Variants in PLCZ1 observed in about 807,000 individuals in gnomAD.
PLCZ1 encodes phospholipase C zeta 1.
In PLCZ1, 64 loss-of-function variants were observed where a neutral mutation model predicts 76.8. The observed-to-expected ratio is 0.83, with a 90% CI of 0.68 to 1.03. The LOEUF (loss-of-function observed/expected upper bound fraction) is 1.03. Ranked by LOEUF, PLCZ1 falls within the 50% of genes least tolerant of loss-of-function variation. PLCZ1 has a pLI of 0.00. For synonymous variants in PLCZ1, 248 were observed against 230.8 expected (o/e 1.07, Z -0.68); for missense variants, 751 against 713.7 (o/e 1.05, Z -0.60).
At chr12:18,670,921 G>A in the PLCZ1 span, among the ~76,000 whole-genome samples, 7 of 152,206 alleles carry the variant, frequency 4.6e-5, no homozygotes, top group East Asian at 7.7e-4. Context: ...AGTGGCTCAT[G>A]CCTGTAATCC....
At chr12:18,668,678 C>T in the PLCZ1 span, among the ~76,000 whole-genome samples, 1 of 152,150 alleles carries the variant, frequency 6.6e-6, no homozygotes, top group African/African-American at 2.4e-5. Context: ...CACTTCAGGC[C>T]AACTCACCTC....
chr12:18,719,665 T>C, intron 4 of PLCZ1, 33 bp from the exon 5 acceptor site: 2 of 1,461,216 alleles, frequency 1.4e-6, no homozygotes, highest in East Asian at 2.4e-5. Context: ...GTTAAAAGGA[T>C]GCAAAAATAC....
At chr12:18,680,046 AC>A (rs1335985854), downstream of PLCZ1, among the ~76,000 whole-genome samples, 2 of 151,934 alleles carry the variant, frequency 1.3e-5, no homozygotes, top group African/African-American at 4.8e-5. Flanking sequence ...CATCATAAGA[AC>A]CCTTTGTTGG....
rs539972609 is a variant in PLCZ1, at chr12:18,723,383, C to T, written c.295G>A (p.Glu99Lys). ...TTACTCATCTCAGCTGCATATTGTT[C>T]TTGTGTCAGAAATTGAGCCAGATTA... ...ASNLAQFLTQ[E>K]QYAAEMSKAI... The change falls in exon 4 of 15, where the codon GAA becomes AAA. Residue 99 changes from glutamate to lysine, a missense_variant. Transcript: ENST00000266505. 6.2e-7 allele frequency: 1 copy of T among 1,612,916 alleles called. No individual in the cohort carries two copies. The highest frequency in any genetic ancestry group is 1.7e-4 in the Middle Eastern group (1 of 6,052).
intron 5 of PLCZ1, among the ~76,000 whole-genome samples, chr12:18,714,465 T>C (rs1957708804): frequency 6.6e-6 from 1 of 152,116 alleles, no homozygotes; most frequent in African/African-American, 2.4e-5. Flanking sequence ...TGTAGAGATG[T>C]AAGAAGAGAA....
chr12:18,652,528 T>G, the PLCZ1 span, among the ~76,000 whole-genome samples: 24 of 152,184 alleles, frequency 1.6e-4, no homozygotes, highest in African/African-American at 5.8e-4. Context: ...CTTAAGCCAC[T>G]TGGTGTGTGA....
intron 1 of PLCZ1, 30 bp from the exon 2 acceptor site, chr12:18,737,539 T>A (rs201733802): frequency 3.0e-4 from 2 of 6,600 alleles, no homozygotes; most frequent in Non-Finnish European, 2.9e-3. Flanking sequence ...CACACAGTGG[T>A]TTTTTTTGCC....
At chr12:18,707,096 C>T (rs563897628) in intron 6 of PLCZ1, among the ~76,000 whole-genome samples, 40 of 152,304 alleles carry the variant, frequency 2.6e-4, no homozygotes, top group African/African-American at 9.6e-4. Flanking sequence ...TATAAAAGTC[C>T]TTATGATGGT....
At chr12:18,683,151 T>G, downstream of PLCZ1, 1 of 1,130,048 alleles carries the variant, frequency 8.8e-7, no homozygotes, top group African/African-American at 1.6e-5. Context: ...TTATTTTTCT[T>G]TATGTTTAAA....
intron 7 of PLCZ1, among the ~76,000 whole-genome samples, chr12:18,702,135 C>T (rs1047156209): frequency 9.9e-5 from 15 of 151,856 alleles, no homozygotes; most frequent in African/African-American, 2.2e-4. Flanking sequence ...TGGTAGTAAA[C>T]GCTTCAGCTC....
the PLCZ1 span, among the ~76,000 whole-genome samples, chr12:18,647,667 CA>C: frequency 0.12 from 17,561 of 151,916 alleles, 1,268 homozygotes; most frequent in African/African-American, 0.2. Flanking sequence ...AGGATTCTTA[CA>C]AAAATAGCCT....
rs1456664430 is a variant in PLCZ1, at chr12:18,723,308, T to C, written c.367+3A>G. 1.2e-5 allele frequency: 19 copies of C among 1,606,942 alleles called. No individual in the cohort carries two copies. The highest frequency in any genetic ancestry group is 1.6e-5 in the Non-Finnish European group (19 of 1,174,996). ...CCGATAAAAGTTTGAAATGCAAACA[T>C]ACCTTCTTCGATAGGCTCGTATTTC... On this transcript the variant is annotated splice_donor_region_variant and intron_variant, in intron 4 of 14. Coordinates refer to ENST00000266505, the MANE Select transcript of PLCZ1 (RefSeq NM_033123.4).
chr12:18,678,305 C>A (rs988292379), downstream of PLCZ1, among the ~76,000 whole-genome samples: 6 of 152,014 alleles, frequency 3.9e-5, no homozygotes, highest in African/African-American at 1.4e-4. Flanking sequence ...CAAAAGAAAG[C>A]CAGAATTATG....
the PLCZ1 span, among the ~76,000 whole-genome samples, chr12:18,658,277 A>T: frequency 1.1e-4 from 17 of 152,334 alleles, no homozygotes; most frequent in East Asian, 3.1e-3. Flanking sequence ...GGACAGAAAG[A>T]ATATTTAAAG....
chr12:18,671,119 G>C, the PLCZ1 span, among the ~76,000 whole-genome samples: 1 of 150,958 alleles, frequency 6.6e-6, no homozygotes, highest in African/African-American at 2.4e-5. Flanking sequence ...GGAGGTGACA[G>C]TGATTTCAGC....
the PLCZ1 span, among the ~76,000 whole-genome samples, chr12:18,666,236 CT>C: frequency 6.6e-6 from 1 of 151,486 alleles, no homozygotes; most frequent in African/African-American, 2.4e-5. Flanking sequence ...AAAAGTAAGT[CT>C]TTTTATATCT....
intron 2 of PLCZ1, 39 bp from the exon 3 acceptor site, chr12:18,736,383 G>A: frequency 6.3e-7 from 1 of 1,592,242 alleles, no homozygotes; most frequent in East Asian, 2.2e-5. Context: ...CTCACAGAAA[G>A]TCATTGAATA....
chr12:18,657,381 G>A, the PLCZ1 span, among the ~76,000 whole-genome samples: 1 of 152,156 alleles, frequency 6.6e-6, no homozygotes, highest in Non-Finnish European at 1.5e-5. Context: ...AAGATCCAGA[G>A]CTCTTGTCAC....
At chr12:18,647,246 C>T in the PLCZ1 span, among the ~76,000 whole-genome samples, 1 of 151,940 alleles carries the variant, frequency 6.6e-6, no homozygotes, top group Non-Finnish European at 1.5e-5. Context: ...AGAAATTGGT[C>T]TGTTTCATGG....
Sources: allele counts gnomAD v4.1 joint callset (sites outside exome capture counted in the v4.1 genomes callset), GRCh38; gene constraint gnomAD v4.1.1; transcripts MANE v1.5; gene names NCBI Gene and HGNC (gene_info 2026-07-23, HGNC 2026-07-21).